The following PLXNA1 variants were observed in gnomAD, a reference collection of about 807,000 sequenced individuals.
PLXNA1 encodes plexin-A1.
A neutral mutation model predicts 191.7 loss-of-function variants in PLXNA1; 77 were observed. The observed-to-expected ratio is 0.40, with a 90% confidence interval of 0.33 to 0.49. PLXNA1 has a LOEUF of 0.49. Among genes scored for constraint, PLXNA1 ranks in the 20% least tolerant of loss-of-function variants. PLXNA1 has a pLI of 0.63. For synonymous variants in PLXNA1, 1,137 were observed against 1,156.4 expected (o/e 0.98, Z 0.34); for missense variants, 2,110 against 2,660.2 (o/e 0.79, Z 4.55).
In PLXNA1 at chr3:127,022,355, G is replaced by A. The variant is rs574316462; in HGVS notation, c.4295+14G>A. The A allele has an allele frequency of 1.2e-6, 2 of 1,602,668 alleles. No homozygotes were observed. The highest frequency in any genetic ancestry group is 2.2e-5 in the East Asian group (1 of 44,576). ...GCTACTGCGCCGGTGAGCCTGGGGG[G>A]CACTGGGGTTGGGGGAGGCAGGCCC... On this transcript the variant is annotated intron_variant, in intron 22 of 31. Transcript: ENST00000393409.
chr3:126,997,213 C>A (rs2079018722), intron 3 of PLXNA1, among the ~76,000 whole-genome samples: 1 of 152,230 alleles, frequency 6.6e-6, no homozygotes, highest in African/African-American at 2.4e-5. Context: ...TCCTTGCAGG[C>A]CTGTTGTAAG....
At chr3:126,986,184 T>A (rs2078958315) in intron 1 of PLXNA1, among the ~76,000 whole-genome samples, 2 of 151,956 alleles carry the variant, frequency 1.3e-5, no homozygotes, top group African/African-American at 2.4e-5. Context: ...AAACGGTGAG[T>A]GATTCATGTT....
Position 127,014,620 on chromosome 3 carries a change from G to A in PLXNA1, c.2747G>A (p.Ser916Asn). Reference sequence around the variant, plus strand: ...AGCCCTGTGGAGAGCGAGTACATCAGTGCGGAGCAGTGAGTGCAGCCCTGG... The same window carrying A: ...AGCCCTGTGGAGAGCGAGTACATCAATGCGGAGCAGTGAGTGCAGCCCTGG... ...LCSPVESEYI[S>N]AEQIVCEIGD... is the part of the protein sequence containing the mutation. The change falls in exon 13 of 32, where the codon AGT becomes AAT. Residue 916 changes from serine (S) to asparagine (N), a missense_variant. This residue lies in a region of PLXNA1 where 644 missense variants were observed against 714.3 expected (regional missense o/e 0.90). Transcript: ENST00000393409. 3 of 1,613,124 alleles carry A rather than the reference G, an allele frequency of 1.9e-6. No individual in the cohort carries two copies. Among genetic ancestry groups the A allele is most frequent in the African/African-American group, 2.7e-5 (2 of 75,056 alleles).
At chr3:127,018,114 C>T (rs1015645780) in intron 19 of PLXNA1, among the ~76,000 whole-genome samples, 180 bp from the exon 20 acceptor site, 2 of 152,128 alleles carry the variant, frequency 1.3e-5, no homozygotes, top group Non-Finnish European at 2.9e-5. Context: ...CAGTGGTGCC[C>T]TGGCTGGCCA....
chr3:127,017,815 A>C lies in PLXNA1; in HGVS notation c.3583A>C (p.Thr1195Pro). 6.2e-7 allele frequency: 1 copy of C among 1,612,944 alleles called. No individual in the cohort carries two copies. Among genetic ancestry groups the C allele is most frequent in the Non-Finnish European group, 8.5e-7 (1 of 1,179,988 alleles). The change falls in exon 19 of 32, where the codon ACA becomes CCA. Residue 1195 changes from threonine (T) to proline (P), a missense_variant. Thr to Pro is a conservative substitution (Grantham distance 38). Coordinates refer to ENST00000393409, the MANE Select transcript of PLXNA1 (RefSeq NM_032242.4). ...RLNYTVLIGS[T>P]PCTLTVSETQ... Reference sequence around the variant, plus strand: ...CAACTACACGGTGCTCATCGGCTCCACACCCTGTACCCTCACCGTGTCGGA... The same window carrying C: ...CAACTACACGGTGCTCATCGGCTCCCCACCCTGTACCCTCACCGTGTCGGA...
intron 5 of PLXNA1, 78 bp from the exon 6 acceptor site, chr3:127,004,807 T>A (rs959182039): frequency 6.3e-7 from 1 of 1,586,170 alleles, no homozygotes; most frequent in Non-Finnish European, 8.6e-7. Flanking sequence ...CCACCCCGAG[T>A]TCTCTGCCCA....
At chr3:127,025,285 C>T (rs1005610670) in intron 23 of PLXNA1, among the ~76,000 whole-genome samples, 1 of 152,228 alleles carries the variant, frequency 6.6e-6, no homozygotes, top group Non-Finnish European at 1.5e-5. Context: ...TAAGTTATGC[C>T]TTTTCCAGAT....
chr3:127,035,580 A>G lies in PLXNA1; in HGVS notation c.*1563A>G, dbSNP rs951365626. The stretch of plus-strand genomic sequence containing the variant: ...TTTAAAACTGCAAGTGTTGAATACT[A>G]GAGGTTGTTAGACCCTTTTTTATGT... On this transcript the variant is annotated 3_prime_UTR_variant, in exon 32 of 32. Coordinates refer to ENST00000393409, the MANE Select transcript of PLXNA1 (RefSeq NM_032242.4). 1 of 152,638 alleles carries G rather than the reference A, an allele frequency of 6.6e-6. No homozygotes were observed. The highest frequency in any genetic ancestry group is 1.5e-5 in the Non-Finnish European group (1 of 68,044). 9.5% of individuals were successfully genotyped at this position (152,638 alleles called of 1,614,324 possible). A position where few individuals can be genotyped will look rare whatever the true frequency, so the allele number is the denominator to read the frequency against.
intron 3 of PLXNA1, 129 bp downstream of exon 3, chr3:126,991,695 G>A (rs2078991733): frequency 9.7e-6 from 10 of 1,034,570 alleles, no homozygotes; most frequent in South Asian, 7.2e-5. Flanking sequence ...AGGGGGCAGG[G>A]GGAATGTTGC....
intron 17 of PLXNA1, 45 bp downstream of exon 17, chr3:127,017,082 C>T: frequency 6.6e-7 from 1 of 1,519,808 alleles, no homozygotes; most frequent in African/African-American, 1.4e-5. Context: ...AGGCCTTCAC[C>T]TGGGATGGGG....
At position 127,020,195 on chromosome 3, in the gene PLXNA1, GCCA is replaced by G; in HGVS notation, c.3896-5_3896-3del. Reference sequence around the variant, plus strand: ...CATGCTGCCCCTGACGCCGCATCTGGCCACAGCCTTTGCAGAGCTGCAGACAGA... The same window carrying G: ...CATGCTGCCCCTGACGCCGCATCTGGCAGCCTTTGCAGAGCTGCAGACAGA... On this transcript the variant is annotated splice_region_variant and splice_polypyrimidine_tract_variant and intron_variant, in intron 20 of 31. Transcript: ENST00000393409. 1 of 1,612,506 alleles carries G rather than the reference GCCA, an allele frequency of 6.2e-7. No individual in the cohort carries two copies. Among genetic ancestry groups the G allele is most frequent in the Non-Finnish European group, 8.5e-7 (1 of 1,179,846 alleles).
intron 27 of PLXNA1, 51 bp from the exon 28 acceptor site, chr3:127,029,822 CG>C: frequency 2.7e-6 from 4 of 1,495,008 alleles, no homozygotes; most frequent in South Asian, 1.3e-5. Flanking sequence ...CAGGCTCGGG[CG>C]GGGGGTGCGG....
In PLXNA1 at chr3:127,014,198, C is replaced by G. The variant is rs2107631605; in HGVS notation, c.2427C>G (p.Cys809Trp). The G allele has an allele frequency of 6.2e-7, 1 of 1,609,276 alleles. No homozygotes were observed. The highest frequency in any genetic ancestry group is 8.5e-7 in the Non-Finnish European group (1 of 1,177,532). The stretch of plus-strand genomic sequence containing the variant: ...TCCCCACAGCGCACCTCTACAAGTG[C>G]CCGGCCCTGCGCGAGAGCTGCGGCC... The part of the protein sequence containing the change: ...PQNIQAHLYK[C>W]PALRESCGLC... Residue 809 changes from cysteine to tryptophan, a missense_variant, in exon 12 of 32, where the codon TGC becomes TGG. This residue lies in a region of PLXNA1 where 644 missense variants were observed against 714.3 expected (regional missense o/e 0.90). Transcript: ENST00000393409.
chr3:127,022,456 G>A, intron 22 of PLXNA1, 115 bp downstream of exon 22: 1 of 1,353,022 alleles, frequency 7.4e-7, no homozygotes, highest in Non-Finnish European at 1.0e-6. Context: ...GGCAGGGGTG[G>A]GAGGACTCAC....
At chr3:126,992,694 G>A (rs1173875382) in intron 3 of PLXNA1, among the ~76,000 whole-genome samples, 3 of 152,088 alleles carry the variant, frequency 2.0e-5, no homozygotes, top group African/African-American at 4.8e-5. Context: ...AGGCCCCCCA[G>A]GGTGGGGGTG....
At chr3:126,999,262 T>C (rs540958720) in intron 3 of PLXNA1, among the ~76,000 whole-genome samples, 2 of 152,308 alleles carry the variant, frequency 1.3e-5, no homozygotes, top group African/African-American at 4.8e-5. Context: ...CAGCTGCCTC[T>C]GCAGAAAGGC....
In PLXNA1 at chr3:127,016,806, G is replaced by A. The variant is rs564124581; in HGVS notation, c.3182+122G>A. 1.8e-5 allele frequency: 25 copies of A among 1,389,688 alleles called. No homozygotes were observed. The African/African-American group carries it at 2.3e-4, about 13-fold the overall frequency. 86.1% of individuals were successfully genotyped at this position (1,389,688 alleles called of 1,614,324 possible). A position where few individuals can be genotyped will look rare whatever the true frequency, so the allele number is the denominator to read the frequency against. The stretch of plus-strand genomic sequence containing the variant: ...ATGCCGGGTACTATCCTGCCGGGAA[G>A]CACCCCTTGCCAAGAGCTTTTACCT... On this transcript the variant is annotated intron_variant, in intron 16 of 31. Coordinates refer to ENST00000393409, the MANE Select transcript of PLXNA1 (RefSeq NM_032242.4).
chr3:126,990,296 G>A (rs1004016354), intron 2 of PLXNA1, among the ~76,000 whole-genome samples: 1 of 152,342 alleles, frequency 6.6e-6, no homozygotes, highest in Middle Eastern at 3.4e-3. Flanking sequence ...GCACCTGCCC[G>A]CTGGGCCTCT....
chr3:127,034,117 G>A lies in PLXNA1; in HGVS notation c.*100G>A, dbSNP rs1205616905. On this transcript the variant is annotated 3_prime_UTR_variant, in exon 32 of 32. Transcript: ENST00000393409. ...GCGTGTGGAGTGTCCGGTGGTGCTC[G>A]GGCCGCCGCAGTGCAGCGACTGCCC... The A allele has an allele frequency of 1.9e-5, 21 of 1,121,592 alleles. No individual in the cohort carries two copies. The East Asian group carries it at 2.6e-4, about 14-fold the overall frequency. The allele number at this position is 1,121,592 out of a possible 1,614,324, so 69.5% of individuals were successfully genotyped here. A position where few individuals can be genotyped will look rare whatever the true frequency, so the allele number is the denominator to read the frequency against.
Sources: gnomAD v4.1 joint callset for allele counts (sites outside exome capture counted in the v4.1 genomes callset) on GRCh38, gnomAD v4.1.1 for gene constraint, gnomAD v4.1.1 regional missense constraint, MANE v1.5 for transcripts, NCBI Gene and HGNC (gene_info 2026-07-23, HGNC 2026-07-21) for gene names.